The following STXBP5L variants were observed in gnomAD, a reference collection of about 807,000 sequenced individuals.
STXBP5L encodes syntaxin binding protein 5L, also known as syntaxin-binding protein 5-like.
In STXBP5L, 65 loss-of-function variants were observed where a neutral mutation model predicts 144.5. The observed-to-expected ratio is 0.45, with a 90% CI of 0.37 to 0.55. STXBP5L has a LOEUF of 0.55. STXBP5L is among the 20% of genes least tolerant of loss of function. STXBP5L has a pLI of 0.00. For synonymous variants in STXBP5L, 505 were observed against 469.6 expected, an observed-to-expected ratio of 1.08 and a Z score of -0.97; for missense variants, 1,298 against 1,405.5, an observed-to-expected ratio of 0.92 and a Z score of 1.22.
intron 2 of STXBP5L, among the ~76,000 whole-genome samples, chr3:120,953,105 T>TC (rs1259869459): frequency 6.6e-6 from 1 of 151,818 alleles, no homozygotes; most frequent in Non-Finnish European, 1.5e-5. Context: ...CAGCCCATTT[T>TC]CCATATAGTT....
intron 9 of STXBP5L, among the ~76,000 whole-genome samples, chr3:121,192,925 A>G (rs576429263): frequency 2.6e-4 from 39 of 152,052 alleles, no homozygotes; most frequent in Middle Eastern, 3.4e-3. Flanking sequence ...AGGACTTCAT[A>G]ACTAAAACAC....
At chr3:121,279,554 G>T (rs186140890) in intron 18 of STXBP5L, among the ~76,000 whole-genome samples, 1 of 151,762 alleles carries the variant, frequency 6.6e-6, no homozygotes, top group East Asian at 1.9e-4. Context: ...GGGTAATCAC[G>T]ACTTACATGA....
At chr3:121,312,259 T>A (rs925652127) in intron 19 of STXBP5L, among the ~76,000 whole-genome samples, 20 of 151,446 alleles carry the variant, frequency 1.3e-4, no homozygotes, top group Non-Finnish European at 1.9e-4. Context: ...AACCTAGGCA[T>A]TACCATTCAG....
At chr3:121,259,386 G>C (rs2050313736) in intron 18 of STXBP5L, among the ~76,000 whole-genome samples, 1 of 151,994 alleles carries the variant, frequency 6.6e-6, no homozygotes, top group African/African-American at 2.4e-5. Flanking sequence ...GATGTTAGTA[G>C]GAGATTGTTA....
At chr3:120,968,261 G>A (rs1053808702) in intron 3 of STXBP5L, among the ~76,000 whole-genome samples, 3 of 152,034 alleles carry the variant, frequency 2.0e-5, no homozygotes, top group African/African-American at 7.2e-5. Context: ...GTTAATATTT[G>A]TCTTTTATAT....
chr3:121,352,219 A>G lies in STXBP5L; in HGVS notation c.2177-26497A>G, dbSNP rs1576258245. Among the ~76,000 whole-genome samples, 5 of 152,266 alleles carry G rather than the reference A, an allele frequency of 3.3e-5. 1 individual carries two copies. The South Asian group carries it at 8.3e-4, about 25-fold the overall frequency. On this transcript the variant is annotated intron_variant, in intron 20 of 26. Coordinates refer to ENST00000471454, the MANE Select transcript of STXBP5L (RefSeq NM_001308330.2). ...AAAGTATTTTTTTCCAATTCTGTGA[A>G]GAAAGTCATTGGTAGCTTGATGGGG... is the stretch of plus-strand genomic sequence containing the variant.
chr3:121,044,428 G>A (rs969430287), intron 4 of STXBP5L, among the ~76,000 whole-genome samples: 34 of 151,928 alleles, frequency 2.2e-4, no homozygotes, highest in Admixed American at 9.8e-4. Flanking sequence ...TTTCAATATC[G>A]TTCTTCCTAG....
At chr3:121,131,204 A>G (rs2044974199) in intron 7 of STXBP5L, among the ~76,000 whole-genome samples, 1 of 152,132 alleles carries the variant, frequency 6.6e-6, no homozygotes, top group African/African-American at 2.4e-5. Context: ...ACAAGAGGAA[A>G]TCATACTAAA....
chr3:121,407,475 T>A lies in STXBP5L; in HGVS notation c.2820T>A (p.Pro940=). The A allele has an allele frequency of 6.2e-7, 1 of 1,613,380 alleles. No individual in the cohort carries two copies. Among genetic ancestry groups the A allele is most frequent in the Non-Finnish European group, 8.5e-7 (1 of 1,179,494 alleles). ...SEKQAKVFSL[P]SQTCLYVHNI... is the part of the protein sequence containing the mutation. The stretch of plus-strand genomic sequence containing the variant: ...AACAAGCCAAAGTCTTCTCACTGCC[T>A]TCTCAGACTTGCCTTTATGTTCATA... Residue 940 remains proline (P), a synonymous_variant, in exon 23 of 27, where the codon CCT becomes CCA. Coordinates refer to ENST00000471454, the MANE Select transcript of STXBP5L (RefSeq NM_001308330.2).
chr3:121,283,617 G>A (rs1341061896), intron 19 of STXBP5L, among the ~76,000 whole-genome samples: 1 of 151,832 alleles, frequency 6.6e-6, no homozygotes, highest in Non-Finnish European at 1.5e-5. Flanking sequence ...ATTATATATT[G>A]TCCTTAAATG....
At chr3:121,108,617 C>G (rs112066126) in intron 5 of STXBP5L, among the ~76,000 whole-genome samples, 11,029 of 152,068 alleles carry the variant, frequency 0.073, 527 homozygotes, top group Non-Finnish European at 0.11. Context: ...CTTGGTTTGC[C>G]AGTATTTTAT....
chr3:121,094,135 G>A (rs1288169701), intron 5 of STXBP5L, among the ~76,000 whole-genome samples: 3 of 152,186 alleles, frequency 2.0e-5, no homozygotes, highest in Non-Finnish European at 1.5e-5. Flanking sequence ...TGGTCTGAGA[G>A]ACAGTTTGTT....
At chr3:121,111,557 A>G (rs1285283836) in intron 5 of STXBP5L, among the ~76,000 whole-genome samples, 3 of 152,174 alleles carry the variant, frequency 2.0e-5, no homozygotes, top group Non-Finnish European at 4.4e-5. Flanking sequence ...AGGTGTCACC[A>G]GTGGAGGCTG....
intron 5 of STXBP5L, among the ~76,000 whole-genome samples, chr3:121,051,717 G>C (rs548204359): frequency 6.6e-6 from 1 of 151,990 alleles, no homozygotes; most frequent in Non-Finnish European, 1.5e-5. Context: ...GCTAGCAGAA[G>C]GCAAGAAATA....
At chr3:120,977,202 G>A (rs1044652361) in intron 3 of STXBP5L, among the ~76,000 whole-genome samples, 1 of 152,184 alleles carries the variant, frequency 6.6e-6, no homozygotes, top group Non-Finnish European at 1.5e-5. Flanking sequence ...AGGTCAGTAA[G>A]GACTTGCTTC....
At chr3:120,948,695 G>A (rs1236755163) in intron 2 of STXBP5L, among the ~76,000 whole-genome samples, 5 of 151,764 alleles carry the variant, frequency 3.3e-5, no homozygotes. Context: ...TAGAATAATG[G>A]TCTCCAACTC....
At chr3:121,340,658 A>G (rs2044675463) in intron 20 of STXBP5L, among the ~76,000 whole-genome samples, 1 of 152,140 alleles carries the variant, frequency 6.6e-6, no homozygotes, top group Non-Finnish European at 1.5e-5. Context: ...AAAGGACATG[A>G]ACTCATCCTT....
At chr3:121,414,316 TAAG>T (rs1167019390) in intron 24 of STXBP5L, among the ~76,000 whole-genome samples, 8 of 152,066 alleles carry the variant, frequency 5.3e-5, no homozygotes, top group African/African-American at 7.2e-5. Flanking sequence ...GGGAGACATA[TAAG>T]AAGGACACCT....
chr3:121,059,407 G>C (rs886475487), intron 5 of STXBP5L, among the ~76,000 whole-genome samples: 1 of 152,114 alleles, frequency 6.6e-6, no homozygotes, highest in Non-Finnish European at 1.5e-5. Flanking sequence ...CAGGTAGCAT[G>C]GTGCCTCCAG....
Sources: gnomAD v4.1 joint callset for allele counts (sites outside exome capture counted in the v4.1 genomes callset) on GRCh38, gnomAD v4.1.1 for gene constraint, MANE v1.5 for transcripts, NCBI Gene and HGNC (gene_info 2026-07-23, HGNC 2026-07-21) for gene names.